CA12: variants seen among roughly 807,000 people sequenced by gnomAD.
CA12 encodes carbonate dehydratase XII.
CA12 carries 36 observed loss-of-function variants against 46.8 expected under a neutral mutation model. The observed-to-expected ratio is 0.77, with a 90% confidence interval of 0.59 to 1.02. CA12 has a LOEUF of 1.02. Ranked by LOEUF, CA12 falls within the 50% of genes least tolerant of loss-of-function variation. The probability of loss-of-function intolerance (pLI) is 0.00; values close to 1 mark genes in which losing one functional copy is unlikely to be tolerated. For missense variants in CA12, 436 were observed against 451.4 expected (o/e 0.97, Z 0.31); for synonymous variants, 202 against 187.0 (o/e 1.08, Z -0.65).
chr15:63,323,237 T>C lies in CA12; in HGVS notation c.*3048A>G, dbSNP rs1174288556. On this transcript the variant is annotated 3_prime_UTR_variant, in exon 11 of 11. Transcript: ENST00000178638. This position sits in a 1 kb window ranked among gnomAD's most constrained non-coding sequence, Gnocchi z 5.1. ...TCCATCTGTTCAAATCTGAGCTATT[T>C]GTTCAAGGTGCAGCTCCGATCCCAC... 6.6e-6 allele frequency: 1 copy of C among 152,222 alleles called. No individual in the cohort carries two copies. The highest frequency in any genetic ancestry group is 1.5e-5 in the Non-Finnish European group (1 of 68,050). 9.4% of individuals were successfully genotyped at this position (152,222 alleles called of 1,614,324 possible).
Position 63,381,774 on chromosome 15 carries a change from C to A in CA12, c.-54G>T. The A allele has an allele frequency of 7.8e-7, 1 of 1,285,924 alleles. No individual in the cohort carries two copies. The allele number at this position is 1,285,924 out of a possible 1,614,324, so 79.7% of individuals were successfully genotyped here. A position where few individuals can be genotyped will look rare whatever the true frequency, so the allele number is the denominator to read the frequency against. ...GGCTGTGCCGGGGGCTCCCGGTGGC[C>A]GCTCGCTCTCCAGCTGCACACCGGG... On this transcript the variant is annotated 5_prime_UTR_variant, in exon 1 of 11. Transcript: ENST00000178638.
intron 8 of CA12, among the ~76,000 whole-genome samples, chr15:63,332,540 C>T (rs2038949663): frequency 6.6e-6 from 1 of 152,184 alleles, no homozygotes; most frequent in Non-Finnish European, 1.5e-5. Context: ...TTCACTGTCC[C>T]TGGGGAAAGA....
At chr15:63,381,579 G>T in intron 1 of CA12, 57 bp downstream of exon 1, 1 of 1,423,674 alleles carries the variant, frequency 7.0e-7, no homozygotes, top group Non-Finnish European at 9.8e-7. Flanking sequence ...AGAGCCTTCA[G>T]CCCAGGGGCG....
chr15:63,369,539 G>A (rs2039475914), intron 2 of CA12, among the ~76,000 whole-genome samples: 1 of 152,206 alleles, frequency 6.6e-6, no homozygotes, highest in Admixed American at 6.5e-5. Context: ...ACAAATTTCT[G>A]GGCCCCGCCC....
In CA12 at chr15:63,381,731, T is replaced by C. The variant is rs1343258012; in HGVS notation, c.-11A>G. ...GCTGCGCCGGGGCATCTTCGCGGGC[T>C]CCTGCGGGGCGGGCGCGGGCTGTGC... On this transcript the variant is annotated 5_prime_UTR_variant, in exon 1 of 11. Transcript: ENST00000178638. 1 of 1,574,422 alleles carries C rather than the reference T, an allele frequency of 6.4e-7. No individual in the cohort carries two copies. The highest frequency in any genetic ancestry group is 2.3e-5 in the East Asian group (1 of 42,722).
rs2039182649 is a variant in CA12 at position 63,348,465 on chromosome 15, G to T, written c.107-1756C>A. Among the ~76,000 whole-genome samples, 1 of 152,158 alleles carries T rather than the reference G, an allele frequency of 6.6e-6. No individual in the cohort carries two copies. The highest frequency in any genetic ancestry group is 1.5e-5 in the Non-Finnish European group (1 of 68,032). ...GGGAGCAGAATGAAGCAACCGTGAGGCCTCATGTAGAACCCCAGGGTCAGG... is the reference window on the plus strand; with the variant it reads ...GGGAGCAGAATGAAGCAACCGTGAGTCCTCATGTAGAACCCCAGGGTCAGG... On this transcript the variant is annotated intron_variant, in intron 2 of 10. Coordinates refer to ENST00000178638, the MANE Select transcript of CA12 (RefSeq NM_001218.5). The surrounding 1 kb of genome is among the most constrained non-coding windows in gnomAD (Gnocchi z 4.6).
chr15:63,381,263 C>T (rs942555695), intron 1 of CA12, among the ~76,000 whole-genome samples: 3 of 152,198 alleles, frequency 2.0e-5, no homozygotes, highest in African/African-American at 7.2e-5. Context: ...TCTGTGCTTA[C>T]CCCAATCAGA....
At chr15:63,343,479 C>T (rs1340252148) in intron 4 of CA12, among the ~76,000 whole-genome samples, 2 of 151,832 alleles carry the variant, frequency 1.3e-5, no homozygotes, top group Admixed American at 6.6e-5. Context: ...TGGGGTTTCA[C>T]CATGTTGGTC....
In CA12 at chr15:63,381,734, T is replaced by C. The variant is rs754928829; in HGVS notation, c.-14A>G. The C allele has an allele frequency of 6.4e-7, 1 of 1,567,928 alleles. No individual in the cohort carries two copies. Among genetic ancestry groups the C allele is most frequent in the South Asian group, 1.2e-5 (1 of 85,856 alleles). ...GCGCCGGGGCATCTTCGCGGGCTCCTGCGGGGCGGGCGCGGGCTGTGCCGG... is the reference window on the plus strand; with the variant it reads ...GCGCCGGGGCATCTTCGCGGGCTCCCGCGGGGCGGGCGCGGGCTGTGCCGG... On this transcript the variant is annotated 5_prime_UTR_variant, in exon 1 of 11. Coordinates refer to ENST00000178638, the MANE Select transcript of CA12 (RefSeq NM_001218.5).
Position 63,327,870 on chromosome 15 carries a change from T to C in CA12, c.907+228A>G, listed in dbSNP as rs1052634761. ...CCAAAAGAAAGTCTTAGATAGGTTC[T>C]TTGAATACACACATGCTGTAGAGTG... On this transcript the variant is annotated intron_variant, in intron 9 of 10. Transcript: ENST00000178638. This position sits in a 1 kb window ranked among gnomAD's most constrained non-coding sequence, Gnocchi z 4.5. 6.6e-6 allele frequency among the ~76,000 whole-genome samples: 1 copy of C among 152,220 alleles called. No individual in the cohort carries two copies. The highest frequency in any genetic ancestry group is 1.5e-5 in the Non-Finnish European group (1 of 68,042).
intron 8 of CA12, among the ~76,000 whole-genome samples, chr15:63,334,910 C>T (rs529294437): frequency 1.3e-5 from 2 of 152,332 alleles, no homozygotes; most frequent in African/African-American, 2.4e-5. Context: ...GTAACTTCAG[C>T]CTTACTGTTT....
In CA12 at chr15:63,348,846, C is replaced by T. The variant is rs2039187976; in HGVS notation, c.107-2137G>A. 6.6e-6 allele frequency among the ~76,000 whole-genome samples: 1 copy of T among 152,174 alleles called. No homozygotes were observed. Among genetic ancestry groups the T allele is most frequent in the African/African-American group, 2.4e-5 (1 of 41,434 alleles). On this transcript the variant is annotated intron_variant, in intron 2 of 10. Transcript: ENST00000178638. This position sits in a 1 kb window ranked among gnomAD's most constrained non-coding sequence, Gnocchi z 4.6. ...CGTGCCCCCATGGGCATTTAGGAAA[C>T]ATTTTCCCAAAGAGTGAAAAAGAAC...
At chr15:63,358,077 C>A (rs951763656) in intron 2 of CA12, among the ~76,000 whole-genome samples, 1 of 152,196 alleles carries the variant, frequency 6.6e-6, no homozygotes, top group Admixed American at 6.5e-5. Flanking sequence ...TTTGGTTATT[C>A]ATTCATAGGA....
At chr15:63,342,781 A>AT (rs1346203589) in intron 4 of CA12, among the ~76,000 whole-genome samples, 1 of 152,182 alleles carries the variant, frequency 6.6e-6, no homozygotes, top group Non-Finnish European at 1.5e-5. Context: ...TACACAACCC[A>AT]TGCATTTTTG....
rs1197835933 is a variant in CA12, at chr15:63,364,412, C to T, written c.106+11246G>A. ...GTCTCTTTAAGATTTCACCTAAGCA[C>T]GGTTCCAAGCAGGGAGCTATAAATG... On this transcript the variant is annotated intron_variant, in intron 2 of 10. Coordinates refer to ENST00000178638, the MANE Select transcript of CA12 (RefSeq NM_001218.5). 3.4e-5 allele frequency among the ~76,000 whole-genome samples: 5 copies of T among 145,002 alleles called. 1 individual carries two copies. Among genetic ancestry groups the T allele is most frequent in the Admixed American group, 2.8e-4 (4 of 14,048 alleles).
At chr15:63,346,781 G>A in intron 2 of CA12, 72 bp from the exon 3 acceptor site, 2 of 1,499,206 alleles carry the variant, frequency 1.3e-6, no homozygotes, top group Admixed American at 1.7e-5. Context: ...CTAATTCTCT[G>A]TTCAATACAA....
intron 10 of CA12, among the ~76,000 whole-genome samples, 165 bp from the exon 11 acceptor site, chr15:63,326,522 CT>C (rs1030720038): frequency 6.6e-6 from 1 of 152,128 alleles, no homozygotes; most frequent in African/African-American, 2.4e-5. Context: ...CCAAATAAAG[CT>C]TTAACAAAAA....
At chr15:63,379,740 G>A (rs1323075524) in intron 1 of CA12, among the ~76,000 whole-genome samples, 1 of 152,170 alleles carries the variant, frequency 6.6e-6, no homozygotes, top group Non-Finnish European at 1.5e-5. Flanking sequence ...TTCCTGTGCT[G>A]GGTGCTAGAA....
At chr15:63,350,232 G>A (rs1159404192) in intron 2 of CA12, among the ~76,000 whole-genome samples, 1 of 152,178 alleles carries the variant, frequency 6.6e-6, no homozygotes, top group African/African-American at 2.4e-5. Context: ...TGGGCACCGG[G>A]ACAACCAATA....
Sources: allele counts gnomAD v4.1 joint callset (sites outside exome capture counted in the v4.1 genomes callset), GRCh38; gene constraint gnomAD v4.1.1; non-coding constraint Gnocchi (gnomAD v3.1); transcripts MANE v1.5; gene names NCBI Gene and HGNC (gene_info 2026-07-23, HGNC 2026-07-21).